INTS6L: variants seen among roughly 807,000 people sequenced by gnomAD.
INTS6L encodes integrator complex subunit 6 like, also known as integrator complex subunit 6-like.
A neutral mutation model predicts 64.7 loss-of-function variants in INTS6L; 18 were observed. The observed-to-expected ratio is 0.28, with a 90% confidence interval of 0.19 to 0.41. The LOEUF is 0.41. Among genes scored for constraint, INTS6L ranks in the 10% least tolerant of loss-of-function variants. The pLI, the probability that INTS6L is intolerant of heterozygous loss-of-function variation, is 1.00. For synonymous variants in INTS6L, 227 were observed against 235.9 expected (o/e 0.96, Z 0.34); for missense variants, 533 against 661.0 (o/e 0.81, Z 2.12).
At chrX:135,540,295 A>G (rs1055838766) in intron 2 of INTS6L, among the ~76,000 whole-genome samples, 1 of 111,953 alleles carries the variant, frequency 8.9e-6, no homozygotes, top group Non-Finnish European at 1.9e-5. Flanking sequence ...CCTCATGTAT[A>G]AAGTGAAGAT....
At chrX:135,544,440 C>A (rs1236964818) in intron 2 of INTS6L, among the ~76,000 whole-genome samples, 1 of 111,620 alleles carries the variant, frequency 9.0e-6, no homozygotes, top group East Asian at 2.8e-4. Flanking sequence ...ATCTCGGTAT[C>A]ATTTGCTCTT....
chrX:135,574,324 C>T (rs1229193624), intron 13 of INTS6L, among the ~76,000 whole-genome samples: 4 of 110,627 alleles, frequency 3.6e-5, no homozygotes, highest in Non-Finnish European at 5.7e-5. Flanking sequence ...GAAATAGATA[C>T]TGTTTTTATG....
At chrX:135,528,981 C>T (rs2085828546) in intron 2 of INTS6L, among the ~76,000 whole-genome samples, 1 of 106,887 alleles carries the variant, frequency 9.4e-6, no homozygotes, top group African/African-American at 3.4e-5. Flanking sequence ...TGAAAGCATC[C>T]CATTCTTATT....
At chrX:135,540,954 G>T (rs2086201977) in intron 2 of INTS6L, among the ~76,000 whole-genome samples, 1 of 111,612 alleles carries the variant, frequency 9.0e-6, no homozygotes, top group African/African-American at 3.3e-5. Flanking sequence ...TTGTGTGTGT[G>T]TATTTTTGGT....
At chrX:135,556,136 C>T (rs781793977) in intron 8 of INTS6L, 32 bp from the exon 9 acceptor site, 5 of 1,130,292 alleles carry the variant, frequency 4.4e-6, no homozygotes, top group Admixed American at 5.8e-5. Context: ...TCCTTATTGT[C>T]ATCACTGTGC....
chrX:135,543,869 T>G (rs938341323), intron 2 of INTS6L, among the ~76,000 whole-genome samples: 18 of 112,317 alleles, frequency 1.6e-4, no homozygotes, highest in Non-Finnish European at 3.0e-4. Flanking sequence ...AGAGTTATTC[T>G]CATTCCCTAT....
intron 6 of INTS6L, among the ~76,000 whole-genome samples, chrX:135,548,810 C>T (rs1370169295): frequency 1.8e-5 from 2 of 111,812 alleles, no homozygotes; most frequent in Non-Finnish European, 3.8e-5. Context: ...AAAAATGAGA[C>T]TCAAATCATT....
intron 2 of INTS6L, among the ~76,000 whole-genome samples, chrX:135,537,089 A>G (rs1422206664): frequency 4.5e-5 from 5 of 111,924 alleles, no homozygotes; most frequent in African/African-American, 1.6e-4. Flanking sequence ...CAGTCAGATG[A>G]GAAGGTGGAA....
chrX:135,564,093 C>T (rs782736856), intron 9 of INTS6L, among the ~76,000 whole-genome samples: 5 of 110,777 alleles, frequency 4.5e-5, no homozygotes, highest in South Asian at 7.6e-4. Context: ...CCTTAGGCTC[C>T]GTTCATTTTT....
chrX:135,581,950 C>T lies in INTS6L; in HGVS notation c.*314C>T. ...TGAGAGGTCACTCACTTGAACTTTG[C>T]CATTCCAGGCATTCTCAGAGTGGCG... On this transcript the variant is annotated 3_prime_UTR_variant, in exon 18 of 18. Transcript: ENST00000639893. 5.0e-6 allele frequency: 1 copy of T among 199,767 alleles called. No homozygotes were observed. The highest frequency in any genetic ancestry group is 8.9e-6 in the Non-Finnish European group (1 of 111,741). The allele number at this position is 199,767 out of a possible 1,213,427, so 16.5% of individuals were successfully genotyped here.
At chrX:135,536,812 C>G (rs1306792270) in intron 2 of INTS6L, among the ~76,000 whole-genome samples, 2 of 111,293 alleles carry the variant, frequency 1.8e-5, no homozygotes, top group African/African-American at 3.3e-5. Flanking sequence ...CACTTGAAAT[C>G]TATTGAGAAG....
intron 2 of INTS6L, among the ~76,000 whole-genome samples, chrX:135,531,420 ACTGT>A (rs782146922): frequency 8.9e-5 from 10 of 112,142 alleles, no homozygotes; most frequent in South Asian, 7.4e-4. Context: ...ATCTCCACTG[ACTGT>A]CTGTCCTGCT....
chrX:135,556,261 G>A lies in INTS6L; in HGVS notation c.1153G>A (p.Val385Met). 8.4e-7 allele frequency: 1 copy of A among 1,197,143 alleles called. No individual in the cohort carries two copies. Among genetic ancestry groups the A allele is most frequent in the Non-Finnish European group, 1.1e-6 (1 of 889,466 alleles). ...STTLTCVNLF[V>M]MPYNYPVLLP... ...AACTTTAACTTGTGTAAACCTCTTT[G>A]TGATGCCTTACAACTACCCAGTTTT... Residue 385 changes from valine to methionine, a missense_variant, in exon 9 of 18, where the codon GTG becomes ATG. Coordinates refer to ENST00000639893, the MANE Select transcript of INTS6L (RefSeq NM_001351601.3).
At chrX:135,580,462 G>A (rs904555827) in intron 16 of INTS6L, among the ~76,000 whole-genome samples, 1 of 112,215 alleles carries the variant, frequency 8.9e-6, no homozygotes, top group Non-Finnish European at 1.9e-5. Context: ...AATTATTTTT[G>A]CTGGGCCAAA....
In INTS6L at chrX:135,545,280, A is replaced by C. The variant is rs557717413; in HGVS notation, c.190-143A>C. 4.1e-5 allele frequency: 31 copies of C among 748,036 alleles called. No homozygotes were observed. The African/African-American group carries it at 5.9e-4, about 14-fold the overall frequency. The allele number at this position is 748,036 out of a possible 1,213,427, so 61.6% of individuals were successfully genotyped here. ...TTCCGAAACTGCTTGCTTTAGTTCT[A>C]CCTGATCAGTGAAGATATAGAATAG... On this transcript the variant is annotated intron_variant, in intron 2 of 17. Coordinates refer to ENST00000639893, the MANE Select transcript of INTS6L (RefSeq NM_001351601.3).
At chrX:135,521,876 C>A (rs989837374) in intron 2 of INTS6L, among the ~76,000 whole-genome samples, 1 of 109,029 alleles carries the variant, frequency 9.2e-6, no homozygotes, top group Non-Finnish European at 1.9e-5. Flanking sequence ...TCTTCCTCCC[C>A]CTCCTTGGGC....
At chrX:135,570,333 G>C in intron 10 of INTS6L, 103 bp from the exon 11 acceptor site, 1 of 750,429 alleles carries the variant, frequency 1.3e-6, no homozygotes, top group Non-Finnish European at 1.8e-6. Flanking sequence ...GCAGCACCTT[G>C]ACTTCTAAGA....
Position 135,580,083 on chromosome X carries a change from A to G in INTS6L, c.2415A>G (p.Gln805=). 1.7e-6 allele frequency: 2 copies of G among 1,208,820 alleles called. No homozygotes were observed. Among genetic ancestry groups the G allele is most frequent in the East Asian group, 3.0e-5 (1 of 33,789 alleles). The change falls in exon 16 of 18, where the codon CAA becomes CAG. Residue 805 remains glutamine, a synonymous_variant. Coordinates refer to ENST00000639893, the MANE Select transcript of INTS6L (RefSeq NM_001351601.3). The stretch of plus-strand genomic sequence containing the variant: ...TGGGAGCTATGCCAAATACATTACA[A>G]ATCACTCCTGCTATGGCACAAGGAA... ...STLGAMPNTL[Q]ITPAMAQGIN...
chrX:135,521,053 G>A lies in INTS6L; in HGVS notation c.61G>A (p.Gly21Ser). ...CTCTATGAACCAGCGCACTGACCTGGGCACCTCTTATTTGGACATTGCCAA... is the reference window on the plus strand; with the variant it reads ...CTCTATGAACCAGCGCACTGACCTGAGCACCTCTTATTTGGACATTGCCAA... Reference protein sequence around the residue: ...SASMNQRTDLGTSYLDIAKGA... With the variant: ...SASMNQRTDLSTSYLDIAKGA... Residue 21 changes from glycine to serine, a missense_variant, in exon 1 of 18, where the codon GGC (glycine) becomes AGC (serine). Gly to Ser is a moderately conservative substitution (Grantham distance 56). Coordinates refer to ENST00000639893, the MANE Select transcript of INTS6L (RefSeq NM_001351601.3). 2.5e-6 allele frequency: 3 copies of A among 1,211,675 alleles called. No individual in the cohort carries two copies. The highest frequency in any genetic ancestry group is 2.3e-4 in the Middle Eastern group (1 of 4,319).
Sources: gnomAD v4.1 joint callset for allele counts (sites outside exome capture counted in the v4.1 genomes callset) on GRCh38, gnomAD v4.1.1 for gene constraint, MANE v1.5 for transcripts, NCBI Gene and HGNC (gene_info 2026-07-23, HGNC 2026-07-21) for gene names.